STMN4: variants seen among roughly 807,000 people sequenced by gnomAD.
STMN4 encodes the protein stathmin 4, also known as stathmin-4.
STMN4 carries 12 observed loss-of-function variants against 29.1 expected under a neutral mutation model. The observed-to-expected ratio is 0.41, with a 90% CI of 0.26 to 0.67. The LOEUF (loss-of-function observed/expected upper bound fraction) is 0.67, where lower values mean the gene tolerates loss of function less well. Among genes scored for constraint, STMN4 ranks in the 30% least tolerant of loss-of-function variants. STMN4 has a pLI of 0.30. For synonymous variants in STMN4, 114 were observed against 105.3 expected, an observed-to-expected ratio of 1.08 and a Z score of -0.51; for missense variants, 181 against 262.8, an observed-to-expected ratio of 0.69 and a Z score of 2.15.
chr8:27,237,545 G>A (rs898393328), intron 6 of STMN4, among the ~76,000 whole-genome samples: 8 of 152,244 alleles, frequency 5.3e-5, no homozygotes, highest in Middle Eastern at 3.4e-3. Flanking sequence ...GTGAGCCACC[G>A]TGCCCAGGTG....
At chr8:27,255,199 A>T (rs1801906519) in intron 1 of STMN4, among the ~76,000 whole-genome samples, 1 of 152,020 alleles carries the variant, frequency 6.6e-6, no homozygotes, top group Admixed American at 6.5e-5. Flanking sequence ...AAGCAAATCG[A>T]ATTATACATG....
At chr8:27,258,145 C>T (rs1333930110) in intron 1 of STMN4, among the ~76,000 whole-genome samples, 1 of 152,140 alleles carries the variant, frequency 6.6e-6, no homozygotes, top group South Asian at 2.1e-4. Context: ...AAGTGGCACC[C>T]GGAGCCCACC....
At chr8:27,254,977 G>A (rs1053231447) in intron 1 of STMN4, among the ~76,000 whole-genome samples, 1 of 151,986 alleles carries the variant, frequency 6.6e-6, no homozygotes, top group Non-Finnish European at 1.5e-5. Flanking sequence ...GGGGGTTCAT[G>A]TGTGTGCATG....
chr8:27,242,357 C>T lies in STMN4; in HGVS notation c.109+40G>A, dbSNP rs191487469. ...GGACCTATGAGGACAGGACACAGGG[C>T]CCCCCCGCCCCTCACTTTCCTGGCT... is the stretch of plus-strand genomic sequence containing the variant. On this transcript the variant is annotated intron_variant, in intron 3 of 6. Transcript: ENST00000350889. 21 of 1,584,290 alleles carry T rather than the reference C, an allele frequency of 1.3e-5. No individual in the cohort carries two copies. In the Admixed American group the frequency reaches 1.3e-4, roughly 10 times the overall value.
At chr8:27,255,441 G>T (rs1424010277) in intron 1 of STMN4, among the ~76,000 whole-genome samples, 3 of 152,188 alleles carry the variant, frequency 2.0e-5, no homozygotes, top group African/African-American at 7.2e-5. Flanking sequence ...GGGCAGGGGA[G>T]ACAGTCTGAA....
At chr8:27,254,862 T>C (rs1801896389) in intron 1 of STMN4, among the ~76,000 whole-genome samples, 1 of 112,264 alleles carries the variant, frequency 8.9e-6, no homozygotes, top group Non-Finnish European at 2.0e-5. Flanking sequence ...GGAGCACTCA[T>C]ATATGTGTGT....
At chr8:27,237,959 C>T (rs150633744) in intron 6 of STMN4, among the ~76,000 whole-genome samples, 13 of 152,200 alleles carry the variant, frequency 8.5e-5, no homozygotes, top group African/African-American at 2.7e-4. Flanking sequence ...CCTCCCAGAG[C>T]CTGGCACTGT....
At chr8:27,252,127 A>G (rs1213007059) in intron 1 of STMN4, among the ~76,000 whole-genome samples, 4 of 149,756 alleles carry the variant, frequency 2.7e-5, no homozygotes, top group East Asian at 2.1e-4. Context: ...ATGTCCCTAC[A>G]AAGGACACGA....
At chr8:27,241,967 C>G in intron 3 of STMN4, 1 of 609,602 alleles carries the variant, frequency 1.6e-6, no homozygotes, top group Non-Finnish European at 2.9e-6. Flanking sequence ...GCCACAGAAC[C>G]TCCTCTTCCC....
In STMN4 at chr8:27,236,742, C is replaced by A; in HGVS notation, c.*104G>T. 2 of 1,139,290 alleles carry A rather than the reference C, an allele frequency of 1.8e-6. No homozygotes were observed. Among genetic ancestry groups the A allele is most frequent in the South Asian group, 1.9e-5 (1 of 53,236 alleles). 70.6% of individuals were successfully genotyped at this position (1,139,290 alleles called of 1,614,324 possible). On this transcript the variant is annotated 3_prime_UTR_variant, in exon 7 of 7. Coordinates refer to ENST00000350889, the MANE Select transcript of STMN4 (RefSeq NM_030795.4). Reference sequence around the variant, plus strand: ...AACGCCCCTTGGCCACCCCCCTCCCCCCAAACCCCAGTGCTGGGAGCGCAG... The same window carrying A: ...AACGCCCCTTGGCCACCCCCCTCCCACCAAACCCCAGTGCTGGGAGCGCAG...
intron 1 of STMN4, among the ~76,000 whole-genome samples, chr8:27,251,846 C>T (rs1801797305): frequency 1.3e-5 from 2 of 150,196 alleles, no homozygotes; most frequent in South Asian, 2.1e-4. Context: ...TTTTAGGGTA[C>T]GTGTGCACAT....
rs577894821 is a variant in STMN4, at chr8:27,239,137, T to C, written c.591+834A>G. 253 of 1,436,540 alleles carry C rather than the reference T, an allele frequency of 1.8e-4. 1 individual carries two copies. The Middle Eastern group carries it at 3.0e-3, about 17-fold the overall frequency. 89.0% of individuals were successfully genotyped at this position (1,436,540 alleles called of 1,614,324 possible). On this transcript the variant is annotated intron_variant, in intron 6 of 6. Transcript: ENST00000350889. Reference sequence around the variant, plus strand: ...GCCTACGCAACATTCAGACACCTTGTGAAGAAACCAGATCCTTCTAGGACC... The same window carrying C: ...GCCTACGCAACATTCAGACACCTTGCGAAGAAACCAGATCCTTCTAGGACC...
chr8:27,240,374 T>C (rs1231058498), intron 5 of STMN4, among the ~76,000 whole-genome samples: 1 of 152,210 alleles, frequency 6.6e-6, no homozygotes, highest in African/African-American at 2.4e-5. Context: ...AGCCTTTTCC[T>C]AAATACCTTC....
Position 27,241,772 on chromosome 8 carries a change from C to G in STMN4, c.110-15G>C. 6.2e-7 allele frequency: 1 copy of G among 1,614,186 alleles called. No individual in the cohort carries two copies. Among genetic ancestry groups the G allele is most frequent in the Non-Finnish European group, 8.5e-7 (1 of 1,180,010 alleles). On this transcript the variant is annotated splice_polypyrimidine_tract_variant and intron_variant, in intron 3 of 6. Transcript: ENST00000350889. ...CCCACACCAGCCTAGACAGAAAAAA[C>G]AACCTCAGGTCATCCGAGCATGCCT...
intron 5 of STMN4, among the ~76,000 whole-genome samples, chr8:27,240,506 C>T (rs2130061152): frequency 6.6e-6 from 1 of 152,312 alleles, no homozygotes; most frequent in South Asian, 2.1e-4. Flanking sequence ...AGAGGTAAGA[C>T]ATATATACAT....
At chr8:27,240,550 T>C (rs1374401418) in intron 5 of STMN4, among the ~76,000 whole-genome samples, 1 of 152,190 alleles carries the variant, frequency 6.6e-6, no homozygotes, top group African/African-American at 2.4e-5. Flanking sequence ...ACATATGCCC[T>C]AAGGTGTAGA....
rs147160725 is a variant in STMN4 at position 27,249,622 on chromosome 8, G to A, written c.-78-5821C>T. On this transcript the variant is annotated intron_variant, in intron 1 of 6. Coordinates refer to ENST00000350889, the MANE Select transcript of STMN4 (RefSeq NM_030795.4). ...TGTCCCCAAACACCATCCTGGATGAGAGGGGACAGCCCACATGGTCACCAG... is the reference window on the plus strand; with the variant it reads ...TGTCCCCAAACACCATCCTGGATGAAAGGGGACAGCCCACATGGTCACCAG... Among the ~76,000 whole-genome samples, 155 of 152,312 alleles carry A rather than the reference G, an allele frequency of 1.0e-3. 1 individual carries two copies. Among genetic ancestry groups the A allele is most frequent in the African/African-American group, 3.6e-3 (149 of 41,580 alleles).
intron 1 of STMN4, among the ~76,000 whole-genome samples, chr8:27,257,892 G>A (rs1427870571): frequency 6.6e-6 from 1 of 152,176 alleles, no homozygotes; most frequent in Non-Finnish European, 1.5e-5. Context: ...TAGAGCCGAA[G>A]GAAAAGATGT....
At chr8:27,256,911 C>T (rs1473798158) in intron 1 of STMN4, among the ~76,000 whole-genome samples, 1 of 152,110 alleles carries the variant, frequency 6.6e-6, no homozygotes, top group Non-Finnish European at 1.5e-5. Flanking sequence ...GGGCAGCATG[C>T]TCTATGGTAG....
Sources: gnomAD v4.1 joint callset for allele counts (sites outside exome capture counted in the v4.1 genomes callset) on GRCh38, gnomAD v4.1.1 for gene constraint, MANE v1.5 for transcripts, NCBI Gene and HGNC (gene_info 2026-07-23, HGNC 2026-07-21) for gene names.